The following RBFOX1 variants were observed in gnomAD, a reference collection of about 807,000 sequenced individuals.
The protein encoded by RBFOX1 is RNA binding protein fox-1 homolog 1.
RBFOX1 carries 8 observed loss-of-function variants against 57.7 expected under a neutral mutation model. The ratio of observed to expected loss-of-function variants is 0.14; its 90% confidence interval spans 0.08 to 0.25. The LOEUF (loss-of-function observed/expected upper bound fraction) is 0.25. Among genes scored for constraint, RBFOX1 ranks in the 10% least tolerant of loss-of-function variants. RBFOX1 has a pLI of 1.00. For missense variants in RBFOX1, 611 were observed against 548.5 expected, an observed-to-expected ratio of 1.11 and a Z score of -1.14; for synonymous variants, 326 against 222.4, an observed-to-expected ratio of 1.47 and a Z score of -4.15.
chr16:6,308,499 T>G (rs1353042145), intron 1 of RBFOX1, among the ~76,000 whole-genome samples: 2 of 152,324 alleles, frequency 1.3e-5, no homozygotes, highest in South Asian at 2.1e-4. Flanking sequence ...ACTTGACTGG[T>G]GGACCCTAGT....
chr16:5,245,558 C>T (rs1312679476), intron 1 of RBFOX1, among the ~76,000 whole-genome samples: 1 of 152,164 alleles, frequency 6.6e-6, no homozygotes, highest in Non-Finnish European at 1.5e-5. Context: ...GATTCTCCTG[C>T]CTCAGCCTCC....
At chr16:6,521,531 T>TTCCTC (rs148747446) in intron 2 of RBFOX1, among the ~76,000 whole-genome samples, 2 of 140,630 alleles carry the variant, frequency 1.4e-5, no homozygotes, top group African/African-American at 2.6e-5. Flanking sequence ...CCCTCCCTCC[T>TTCCTC]TCCTCTCCTC....
chr16:6,185,832 A>G (rs1049154449), intron 1 of RBFOX1, among the ~76,000 whole-genome samples: 3 of 152,186 alleles, frequency 2.0e-5, no homozygotes, highest in Non-Finnish European at 4.4e-5. Flanking sequence ...AGTAGGAGAC[A>G]GGAGGAGAGT....
chr16:5,739,348 C>G (rs890217367), intron 3 of RBFOX1, among the ~76,000 whole-genome samples: 1 of 152,222 alleles, frequency 6.6e-6, no homozygotes, highest in Admixed American at 6.5e-5. Context: ...AGGCAGTACT[C>G]AAGGCACCGG....
At position 7,226,410 on chromosome 16, in the gene RBFOX1, G is replaced by A. The variant is rs117705202; in HGVS notation, c.27+174312G>A. On this transcript the variant is annotated intron_variant, in intron 4 of 15. Transcript: ENST00000550418. ...TGTAAGGGACTAATGTCCACTACAG[G>A]CCCTCAGTTAAAAGAGTTGGGTAGA... Among the ~76,000 whole-genome samples the A allele has an allele frequency of 1.3e-4, 20 of 152,284 alleles. No individual in the cohort carries two copies. The East Asian group carries it at 3.9e-3, about 29-fold the overall frequency.
At chr16:5,736,743 T>G (rs570653604) in intron 3 of RBFOX1, among the ~76,000 whole-genome samples, 9 of 152,012 alleles carry the variant, frequency 5.9e-5, no homozygotes, top group Non-Finnish European at 8.8e-5. Flanking sequence ...TCCATCTGTG[T>G]GTGTCTGTCT....
rs111226571 is a variant in RBFOX1 at position 7,568,034 on chromosome 16, A to C, written c.271-11743A>C. Among the ~76,000 whole-genome samples the C allele has an allele frequency of 8.4e-3, 1,279 of 152,136 alleles. 20 individuals carry two copies. The highest frequency in any genetic ancestry group is 0.029 in the African/African-American group (1,206 of 41,498). ...GATGTATTTGAAACTTAGTTGACTCAATAATATTCCTCATTTCAAAGGATT... is the reference window on the plus strand; with the variant it reads ...GATGTATTTGAAACTTAGTTGACTCCATAATATTCCTCATTTCAAAGGATT... On this transcript the variant is annotated intron_variant, in intron 5 of 15. Transcript: ENST00000550418.
intron 4 of RBFOX1, among the ~76,000 whole-genome samples, chr16:5,982,435 C>T (rs1567218408): frequency 6.6e-6 from 1 of 152,036 alleles, no homozygotes; most frequent in African/African-American, 2.4e-5. Context: ...CCACCACACC[C>T]AGCTAATTTT....
chr16:6,710,017 C>T (rs980785441), intron 3 of RBFOX1, among the ~76,000 whole-genome samples: 6 of 152,106 alleles, frequency 3.9e-5, no homozygotes, highest in Admixed American at 6.5e-5. Flanking sequence ...ACCTACTGAT[C>T]TGAAATATGC....
chr16:6,936,064 C>G (rs72772291), intron 3 of RBFOX1, among the ~76,000 whole-genome samples: 2 of 152,126 alleles, frequency 1.3e-5, no homozygotes, highest in Admixed American at 1.3e-4. Context: ...TTGCCTGCGT[C>G]AGGCTGACTG....
intron 4 of RBFOX1, among the ~76,000 whole-genome samples, chr16:5,950,872 A>C (rs1293547751): frequency 6.6e-6 from 1 of 152,070 alleles, no homozygotes; most frequent in African/African-American, 2.4e-5. Context: ...AGAGGGAGCT[A>C]GGGGGAGATG....
intron 2 of RBFOX1, among the ~76,000 whole-genome samples, chr16:6,642,600 A>G (rs1399791942): frequency 2.6e-5 from 4 of 152,086 alleles, no homozygotes; most frequent in African/African-American, 7.2e-5. Context: ...ACACTCCAAA[A>G]AAAAAGTAAG....
At chr16:7,349,849 A>G (rs1461459857) in intron 4 of RBFOX1, among the ~76,000 whole-genome samples, 2 of 152,178 alleles carry the variant, frequency 1.3e-5, no homozygotes, top group Non-Finnish European at 2.9e-5. Flanking sequence ...CTAGGAAGGA[A>G]ATAAAATAGG....
At chr16:6,708,805 A>C (rs933860351) in intron 3 of RBFOX1, among the ~76,000 whole-genome samples, 7 of 152,226 alleles carry the variant, frequency 4.6e-5, no homozygotes, top group African/African-American at 1.7e-4. Context: ...CTGGGTGCAC[A>C]TTCTTACTCC....
chr16:7,356,118 T>C (rs1358537546), intron 4 of RBFOX1, among the ~76,000 whole-genome samples: 1 of 152,194 alleles, frequency 6.6e-6, no homozygotes, highest in Non-Finnish European at 1.5e-5. Context: ...TCATCACTTA[T>C]AAGGTCAGTA....
intron 4 of RBFOX1, among the ~76,000 whole-genome samples, chr16:7,061,579 A>T (rs74008588): frequency 0.024 from 3,619 of 152,294 alleles, 137 homozygotes; most frequent in African/African-American, 0.082. Flanking sequence ...CTCAAAAAAA[A>T]GTTCACACAT....
At chr16:7,318,487 C>T (rs2096485789) in intron 4 of RBFOX1, among the ~76,000 whole-genome samples, 1 of 152,086 alleles carries the variant, frequency 6.6e-6, no homozygotes, top group African/African-American at 2.4e-5. Flanking sequence ...CACCTTTGCA[C>T]CGTTGGGCAA....
At chr16:6,209,236 C>G (rs1409240676) in intron 1 of RBFOX1, among the ~76,000 whole-genome samples, 1 of 152,096 alleles carries the variant, frequency 6.6e-6, no homozygotes, top group Admixed American at 6.5e-5. Flanking sequence ...CACAAACAAG[C>G]AAAACACCAG....
rs113189674 is a variant in RBFOX1, at chr16:6,396,326, C to G, written c.-64+79269C>G. Among the ~76,000 whole-genome samples, 309 of 152,150 alleles carry G rather than the reference C, an allele frequency of 2.0e-3. 1 individual carries two copies. The highest frequency in any genetic ancestry group is 7.0e-3 in the African/African-American group (289 of 41,518). On this transcript the variant is annotated intron_variant, in intron 2 of 15. Transcript: ENST00000550418. ...ATTCACCCCCAAAGTACACACCAAT[C>G]CATGTGGTGCAAGGAAGACGAGACT...
Sources: allele counts gnomAD v4.1 joint callset (sites outside exome capture counted in the v4.1 genomes callset), GRCh38; gene constraint gnomAD v4.1.1; transcripts MANE v1.5; gene names NCBI Gene and HGNC (gene_info 2026-07-23, HGNC 2026-07-21).